The following SLC16A14 variants were observed in gnomAD, a reference collection of about 807,000 sequenced individuals.
SLC16A14 encodes monocarboxylate transporter 14.
In SLC16A14, 14 loss-of-function variants were observed where a neutral mutation model predicts 35.8. The observed-to-expected ratio is 0.39, with a 90% CI of 0.26 to 0.61. The LOEUF (loss-of-function observed/expected upper bound fraction) is 0.61, where lower values mean the gene tolerates loss of function less well. SLC16A14 is among the 20% of genes least tolerant of loss of function. The pLI is 0.51. For synonymous variants in SLC16A14, 248 were observed against 258.9 expected (o/e 0.96, Z 0.40); for missense variants, 533 against 655.0 (o/e 0.81, Z 2.03).
At chr2:230,064,644 C>A (rs567249404) in intron 1 of SLC16A14, among the ~76,000 whole-genome samples, 1 of 152,162 alleles carries the variant, frequency 6.6e-6, no homozygotes, top group Non-Finnish European at 1.5e-5. Flanking sequence ...TGTGATGAAA[C>A]AACAATACAT....
At chr2:230,045,715 TC>T in intron 4 of SLC16A14, 29 bp downstream of exon 4, 1 of 1,613,892 alleles carries the variant, frequency 6.2e-7, no homozygotes, top group Non-Finnish European at 8.5e-7. Flanking sequence ...GTACATGCAC[TC>T]TGAGCTCTTA....
intron 4 of SLC16A14, among the ~76,000 whole-genome samples, chr2:230,041,196 T>G (rs2077557748): frequency 6.6e-6 from 1 of 152,166 alleles, no homozygotes; most frequent in African/African-American, 2.4e-5. Context: ...ACATTGCAAA[T>G]TATTGTTAAG....
In SLC16A14 at chr2:230,036,739, A is replaced by G. The variant is rs2077522309; in HGVS notation, c.*641T>C. The G allele has an allele frequency of 6.6e-6, 1 of 152,242 alleles. No individual in the cohort carries two copies. The highest frequency in any genetic ancestry group is 1.5e-5 in the Non-Finnish European group (1 of 68,040). 9.4% of individuals were successfully genotyped at this position (152,242 alleles called of 1,614,324 possible). A position where few individuals can be genotyped will look rare whatever the true frequency, so the allele number is the denominator to read the frequency against. On this transcript the variant is annotated 3_prime_UTR_variant, in exon 5 of 5. Coordinates refer to ENST00000295190, the MANE Select transcript of SLC16A14 (RefSeq NM_152527.5). The stretch of plus-strand genomic sequence containing the variant: ...ATTTATAACTGGATAGCACTGAATT[A>G]GGATTAATGGCAAGTGCCTTCTTTT...
chr2:230,043,654 T>C (rs992722490), intron 4 of SLC16A14, among the ~76,000 whole-genome samples: 8 of 152,198 alleles, frequency 5.3e-5, no homozygotes. Context: ...GCTCTGACAA[T>C]CACCACCAGC....
rs1265407182 is a variant in SLC16A14 at position 230,046,525 on chromosome 2, T to G, written c.601A>C (p.Asn201His). 4.3e-6 allele frequency: 7 copies of G among 1,614,180 alleles called. No individual in the cohort carries two copies. The Admixed American group carries it at 1.2e-4, about 27-fold the overall frequency. The change falls in exon 4 of 5, where the codon AAC becomes CAC. Residue 201 changes from asparagine (N) to histidine (H), a missense_variant. Coordinates refer to ENST00000295190, the MANE Select transcript of SLC16A14 (RefSeq NM_152527.5). This position sits in a 1 kb window ranked among gnomAD's most constrained non-coding sequence, Gnocchi z 5.0. ...AMLIQGAVSLNLCVCGALMRP... is the reference protein window; with the variant it reads ...AMLIQGAVSLHLCVCGALMRP... ...ATGAGCGCCCCACAAACACACAGGT[T>G]TAGGGAAACGGCACCTTGGATCAAC...
At chr2:230,040,519 G>A (rs2106242130) in intron 4 of SLC16A14, among the ~76,000 whole-genome samples, 1 of 152,242 alleles carries the variant, frequency 6.6e-6, no homozygotes, top group East Asian at 1.9e-4. Flanking sequence ...ACTGTTCCCG[G>A]CCAAATTCAT....
intron 2 of SLC16A14, among the ~76,000 whole-genome samples, chr2:230,056,263 T>C (rs1043708960): frequency 6.7e-6 from 1 of 150,028 alleles, no homozygotes. Context: ...TTTTTTTTTT[T>C]TTTTTTTTTG....
intron 1 of SLC16A14, among the ~76,000 whole-genome samples, chr2:230,060,860 G>A (rs2077746987): frequency 7.6e-6 from 1 of 132,424 alleles, no homozygotes; most frequent in South Asian, 2.2e-4. Context: ...GAAGGAGGGG[G>A]TGGATGAACC....
In SLC16A14 at chr2:230,035,970, C is replaced by A. The variant is rs1334881550; in HGVS notation, c.*1410G>T. 6.6e-6 allele frequency: 1 copy of A among 152,590 alleles called. No homozygotes were observed. The highest frequency in any genetic ancestry group is 2.4e-5 in the African/African-American group (1 of 41,442). The allele number at this position is 152,590 out of a possible 1,614,324, so 9.5% of individuals were successfully genotyped here. Reference sequence around the variant, plus strand: ...ATTGTTTGATTCCAATTCCTAGTAGCATTCCTGCGTCTAATTGTGAAGGAT... The same window carrying A: ...ATTGTTTGATTCCAATTCCTAGTAGAATTCCTGCGTCTAATTGTGAAGGAT... On this transcript the variant is annotated 3_prime_UTR_variant, in exon 5 of 5. Transcript: ENST00000295190.
chr2:230,037,526 T>A lies in SLC16A14; in HGVS notation c.1387A>T (p.Ile463Phe), dbSNP rs2077528089. Residue 463 changes from isoleucine to phenylalanine, a missense_variant, in exon 5 of 5, where the codon ATC becomes TTC. Coordinates refer to ENST00000295190, the MANE Select transcript of SLC16A14 (RefSeq NM_152527.5). ...TCATATTTTTGCGTGATGTCATAGA[T>A]CCACCCTACAAAACAAAAAAGAATA... is the stretch of plus-strand genomic sequence containing the variant. ...ALLGPPFAGW[I>F]YDITQKYDFS... The A allele has an allele frequency of 6.2e-7, 1 of 1,602,570 alleles. No individual in the cohort carries two copies. Among genetic ancestry groups the A allele is most frequent in the South Asian group, 1.1e-5 (1 of 88,926 alleles).
chr2:230,061,181 G>T (rs2077749512), intron 1 of SLC16A14, among the ~76,000 whole-genome samples: 1 of 152,084 alleles, frequency 6.6e-6, no homozygotes, highest in African/African-American at 2.4e-5. Flanking sequence ...ACTAAAAGTT[G>T]GTCTGCTTTC....
chr2:230,054,925 G>GA (rs1442703419), intron 2 of SLC16A14, among the ~76,000 whole-genome samples: 14 of 151,216 alleles, frequency 9.3e-5, no homozygotes, highest in African/African-American at 3.2e-4. Context: ...AAGAAAAAAA[G>GA]AAAAAACCAC....
At chr2:230,054,375 T>A (rs540910566) in intron 2 of SLC16A14, among the ~76,000 whole-genome samples, 1 of 152,348 alleles carries the variant, frequency 6.6e-6, no homozygotes, top group East Asian at 1.9e-4. Flanking sequence ...AAGCAGTTAG[T>A]CACAGAGAAA....
rs2077611125 is a variant in SLC16A14 at position 230,046,656 on chromosome 2, CG to C, written c.469del (p.Arg157AlafsTer18). The C allele has an allele frequency of 3.7e-6, 6 of 1,605,868 alleles. No homozygotes were observed. Among genetic ancestry groups the C allele is most frequent in the Non-Finnish European group, 5.1e-6 (6 of 1,180,010 alleles). On this transcript the variant is annotated frameshift_variant, in exon 4 of 5. Transcript: ENST00000295190. LOFTEE classifies it high-confidence loss of function. This position sits in a 1 kb window ranked among gnomAD's most constrained non-coding sequence, Gnocchi z 5.0. ...GGTGCTGAGGCCCTGGGCGAGGGCGCGTCTCTTCTGGAAATACCTGCCCACC... is the reference window on the plus strand; with the variant it reads ...GGTGCTGAGGCCCTGGGCGAGGGCGCTCTCTTCTGGAAATACCTGCCCACC... ...VMVGRYFQKR[R>X]ALAQGLSTTG...
intron 1 of SLC16A14, among the ~76,000 whole-genome samples, chr2:230,062,430 C>G (rs568297158): frequency 6.7e-6 from 1 of 149,936 alleles, no homozygotes; most frequent in Non-Finnish European, 1.5e-5. Context: ...CTCACTGCAG[C>G]CTTGAACTAG....
chr2:230,041,577 A>G (rs1386590123), intron 4 of SLC16A14, among the ~76,000 whole-genome samples: 1 of 152,002 alleles, frequency 6.6e-6, no homozygotes, highest in Non-Finnish European at 1.5e-5. Flanking sequence ...TGATCCGCCC[A>G]TCTCCGCCTC....
chr2:230,061,535 C>G (rs964008126), intron 1 of SLC16A14, among the ~76,000 whole-genome samples: 4 of 152,198 alleles, frequency 2.6e-5, no homozygotes, highest in African/African-American at 9.6e-5. Flanking sequence ...TCAGAACACT[C>G]TAGGTGAACT....
intron 4 of SLC16A14, among the ~76,000 whole-genome samples, chr2:230,044,744 G>GTATA (rs2077589835): frequency 7.9e-6 from 1 of 127,102 alleles, no homozygotes; most frequent in Admixed American, 8.1e-5. Context: ...GTGTATGTGT[G>GTATA]TGTGTGTGTG....
rs773202995 is a variant in SLC16A14, at chr2:230,046,285, G to A, written c.841C>T (p.Arg281Trp). 4 of 1,614,030 alleles carry A rather than the reference G, an allele frequency of 2.5e-6. No homozygotes were observed. Among genetic ancestry groups the A allele is most frequent in the Non-Finnish European group, 3.4e-6 (4 of 1,180,034 alleles). ...AGHRKNMCAL[R>W]ILKTVSWLTM... ...AGCCAGCTGACAGTCTTCAGAATCC[G>A]GAGGGCACACATGTTCTTCCTGTGC... Residue 281 changes from arginine to tryptophan, a missense_variant, in exon 4 of 5, where the codon CGG becomes TGG. Transcript: ENST00000295190. The surrounding 1 kb of genome is among the most constrained non-coding windows in gnomAD (Gnocchi z 5.0).
Sources: allele counts gnomAD v4.1 joint callset (sites outside exome capture counted in the v4.1 genomes callset), GRCh38; gene constraint gnomAD v4.1.1; non-coding constraint Gnocchi (gnomAD v3.1); transcripts MANE v1.5; gene names NCBI Gene and HGNC (gene_info 2026-07-23, HGNC 2026-07-21).